Variants in ZNF540 observed in about 807,000 individuals in gnomAD.
ZNF540 encodes zinc finger protein 540.
ZNF540 carries 3 observed loss-of-function variants against 11.8 expected under a neutral mutation model. The observed-to-expected ratio is 0.25, with a 90% CI of 0.12 to 0.65. The LOEUF is 0.65. Among genes scored for constraint, ZNF540 ranks in the 30% least tolerant of loss-of-function variants. The pLI is 0.83. For synonymous variants in ZNF540, 247 were observed against 259.0 expected (o/e 0.95, Z 0.45); for missense variants, 709 against 793.1 (o/e 0.89, Z 1.27).
chr19:37,572,540 T>C (rs1308297042), intron 1 of ZNF540, among the ~76,000 whole-genome samples: 1 of 152,136 alleles, frequency 6.6e-6, no homozygotes, highest in African/African-American at 2.4e-5. Flanking sequence ...AAACACATAA[T>C]ATATATGGCT....
At chr19:37,585,412 C>G (rs1346292608) in intron 1 of ZNF540, 1 of 152,184 alleles carries the variant, frequency 6.6e-6, no homozygotes, top group African/African-American at 2.4e-5. Context: ...TGCAGACTAA[C>G]AACTCTGGGA....
At chr19:37,558,121 T>C (rs1165977483) in intron 1 of ZNF540, among the ~76,000 whole-genome samples, 1 of 152,206 alleles carries the variant, frequency 6.6e-6, no homozygotes, top group Non-Finnish European at 1.5e-5. Context: ...TTCTTGTGTG[T>C]CTGTCCAAAT....
Position 37,599,653 on chromosome 19 carries a change from A to G in ZNF540, c.37A>G (p.Ile13Val). The change falls in exon 3 of 5, where the codon ATA becomes GTA. Residue 13 changes from isoleucine (I) to valine (V), a missense_variant. Transcript: ENST00000316433. Reference sequence around the variant, plus strand: ...ATTGGTGACGTTCAGGGATGTGGCTATAGACTTCTCTCAGAAGGAATGGGA... The same window carrying G: ...ATTGGTGACGTTCAGGGATGTGGCTGTAGACTTCTCTCAGAAGGAATGGGA... The part of the protein sequence containing the change: ...HALVTFRDVA[I>V]DFSQKEWECL... The G allele has an allele frequency of 6.2e-7, 1 of 1,614,100 alleles. No individual in the cohort carries two copies. The highest frequency in any genetic ancestry group is 1.1e-5 in the South Asian group (1 of 91,082).
chr19:37,552,135 A>AT (rs2042612529), intron 1 of ZNF540, among the ~76,000 whole-genome samples: 1 of 151,954 alleles, frequency 6.6e-6, no homozygotes, highest in South Asian at 2.1e-4. Context: ...CAAATAGGTA[A>AT]TTTTTTACTT....
At position 37,566,188 on chromosome 19, in the gene ZNF540, G is replaced by A. The variant is rs770320642; in HGVS notation, c.-73+14523G>A. On this transcript the variant is annotated intron_variant, in intron 1 of 4. Coordinates refer to the ZNF540 transcript ENST00000592533. Reference sequence around the variant, plus strand: ...TGTCTCCAAGACCATTGTATTGAAGGTGATGGTTGATACGTTTCCCCATAT... The same window carrying A: ...TGTCTCCAAGACCATTGTATTGAAGATGATGGTTGATACGTTTCCCCATAT... 13 of 1,613,830 alleles carry A rather than the reference G, an allele frequency of 8.1e-6. No homozygotes were observed. The Admixed American group carries it at 1.0e-4, about 12-fold the overall frequency.
intron 1 of ZNF540, chr19:37,567,691 G>C (rs2042909432): frequency 6.6e-6 from 1 of 152,158 alleles, no homozygotes; most frequent in Admixed American, 6.5e-5. Flanking sequence ...AAATGTCCTA[G>C]CTTAAATGTC....
chr19:37,612,995 T>G lies in ZNF540; in HGVS notation c.1715T>G (p.Ile572Ser), dbSNP rs760296298. The G allele has an allele frequency of 8.7e-6, 14 of 1,614,008 alleles. No homozygotes were observed. Among genetic ancestry groups the G allele is most frequent in the African/African-American group, 1.3e-5 (1 of 74,932 alleles). The change falls in exon 5 of 5, where the codon ATT (isoleucine) becomes AGT (serine). Residue 572 changes from isoleucine (I) to serine (S), a missense_variant. Transcript: ENST00000316433. ...RRGQFTEHQK[I>S]HTGVKPYKCK... ...GGGCAGTTCACTGAACATCAGAAAATTCATACGGGTGTAAAACCATACAAA... is the reference window on the plus strand; with the variant it reads ...GGGCAGTTCACTGAACATCAGAAAAGTCATACGGGTGTAAAACCATACAAA...
intron 2 of ZNF540, among the ~76,000 whole-genome samples, chr19:37,599,170 C>T (rs1428899740): frequency 2.8e-5 from 4 of 141,916 alleles, no homozygotes; most frequent in African/African-American, 7.4e-5. Context: ...ATTGATCAAT[C>T]GATTGATCGA....
At chr19:37,590,874 A>G (rs1341059271), upstream of ZNF540, among the ~76,000 whole-genome samples, 1 of 152,232 alleles carries the variant, frequency 6.6e-6, no homozygotes, top group Non-Finnish European at 1.5e-5. Context: ...AAAAACCAAA[A>G]GAAATCTAAA....
chr19:37,575,850 C>A (rs1351892587), intron 1 of ZNF540: 1 of 152,158 alleles, frequency 6.6e-6, no homozygotes, highest in African/African-American at 2.4e-5. Flanking sequence ...ACACTGAAAC[C>A]ATAAAGTGTT....
intron 1 of ZNF540, among the ~76,000 whole-genome samples, chr19:37,577,183 A>C (rs2043270800): frequency 6.6e-6 from 1 of 152,200 alleles, no homozygotes; most frequent in African/African-American, 2.4e-5. Flanking sequence ...AGGGCCATGA[A>C]GTACGCACAC....
intron 1 of ZNF540, among the ~76,000 whole-genome samples, chr19:37,595,858 A>G (rs1301712264): frequency 6.6e-6 from 1 of 152,224 alleles, no homozygotes; most frequent in Non-Finnish European, 1.5e-5. Flanking sequence ...GTAAACAGCT[A>G]TATATGGCTA....
intron 1 of ZNF540, chr19:37,566,246 T>G (rs376742861): frequency 1.2e-6 from 2 of 1,613,414 alleles, no homozygotes; most frequent in African/African-American, 2.7e-5. Context: ...TTCATAAATT[T>G]CCTTTTCTGG....
chr19:37,601,114 A>G lies in ZNF540; in HGVS notation c.232+9A>G. On this transcript the variant is annotated intron_variant, in intron 4 of 4. Transcript: ENST00000316433. The stretch of plus-strand genomic sequence containing the variant: ...AGGAAGACAGTGCCCCGGTGAGTTG[A>G]GAGTTCATCAGGCAGATGGAAGCCC... The G allele has an allele frequency of 6.4e-7, 1 of 1,564,876 alleles. No homozygotes were observed. Among genetic ancestry groups the G allele is most frequent in the Non-Finnish European group, 8.7e-7 (1 of 1,154,262 alleles).
Position 37,598,438 on chromosome 19 carries a change from GT to G in ZNF540, c.-9del. 6.2e-7 allele frequency: 1 copy of G among 1,613,996 alleles called. No homozygotes were observed. Among genetic ancestry groups the G allele is most frequent in the South Asian group, 1.1e-5 (1 of 91,024 alleles). On this transcript the variant is annotated 5_prime_UTR_variant, in exon 2 of 5. Coordinates refer to ENST00000316433, the MANE Select transcript of ZNF540 (RefSeq NM_001172225.3). ...GCGGAAGACTGAGCAGTTCTTGTGAGTGTAAAACCATGGCCCATGTAAGTCA... is the reference window on the plus strand; with the variant it reads ...GCGGAAGACTGAGCAGTTCTTGTGAGGTAAAACCATGGCCCATGTAAGTCA...
rs941786680 is a variant in ZNF540 at position 37,574,427 on chromosome 19, T to A, written c.-73+22762T>A. On this transcript the variant is annotated intron_variant, in intron 1 of 4. Transcript: ENST00000592533. ...TGCAATCAGTATTATTTTCACTAAA[T>A]TTTTTTATCTCCAAAAATATTATTC... 3.3e-5 allele frequency among the ~76,000 whole-genome samples: 5 copies of A among 152,308 alleles called. No homozygotes were observed. In the East Asian group the frequency reaches 9.6e-4, roughly 29 times the overall value.
In ZNF540 at chr19:37,564,927, G is replaced by A. The variant is rs376384743; in HGVS notation, c.-73+13262G>A. The A allele has an allele frequency of 4.3e-6, 7 of 1,613,950 alleles. No individual in the cohort carries two copies. The South Asian group carries it at 7.7e-5, about 18-fold the overall frequency. On this transcript the variant is annotated intron_variant, in intron 1 of 4. Transcript: ENST00000592533. ...TTGTCACATTCCTTACATTTGTAGG[G>A]CTTTTCACCTGTATGAATTCTTTGA...
At position 37,598,981 on chromosome 19, in the gene ZNF540, C is replaced by T. The variant is rs567228185; in HGVS notation, c.9+525C>T. On this transcript the variant is annotated intron_variant, in intron 2 of 4. Coordinates refer to ENST00000316433, the MANE Select transcript of ZNF540 (RefSeq NM_001172225.3). ...ACATCAGTATGATTCTGGTTCATTA[C>T]ATCAATATTCTTAATCTCAAGAAAA... Among the ~76,000 whole-genome samples, 3 of 152,236 alleles carry T rather than the reference C, an allele frequency of 2.0e-5. No homozygotes were observed. The South Asian group carries it at 6.2e-4, about 32-fold the overall frequency.
chr19:37,593,998 C>T (rs1157025337), upstream of ZNF540: 1 of 152,118 alleles, frequency 6.6e-6, no homozygotes, highest in Non-Finnish European at 1.5e-5. Context: ...GGGTGCCTCT[C>T]TTGGAAAACG....
Sources: gnomAD v4.1 joint callset for allele counts (sites outside exome capture counted in the v4.1 genomes callset) on GRCh38, gnomAD v4.1.1 for gene constraint, MANE v1.5 for transcripts, NCBI Gene and HGNC (gene_info 2026-07-23, HGNC 2026-07-21) for gene names.